The following HMGB1 variants were observed in gnomAD, a reference collection of about 807,000 sequenced individuals.
HMGB1 encodes the protein high mobility group protein B1.
For synonymous variants in HMGB1, 81 were observed against 84.0 expected (o/e 0.96, Z 0.19); for missense variants, 79 against 253.5 (o/e 0.31, Z 4.67).
intron 1 of HMGB1, among the ~76,000 whole-genome samples, chr13:30,474,214 C>G (rs907603112): frequency 6.6e-6 from 1 of 152,132 alleles, no homozygotes; most frequent in Non-Finnish European, 1.5e-5. Context: ...TTTGATAAAG[C>G]TATTTTTTAA....
At chr13:30,591,492 T>TAC (rs1402619367) in intron 1 of HMGB1, among the ~76,000 whole-genome samples, 1 of 151,706 alleles carries the variant, frequency 6.6e-6, no homozygotes, top group Non-Finnish European at 1.5e-5. Context: ...CTAAGCTCTG[T>TAC]AAAGAGCACC....
intron 1 of HMGB1, among the ~76,000 whole-genome samples, chr13:30,591,879 C>A (rs1397047838): frequency 6.6e-6 from 1 of 152,082 alleles, no homozygotes; most frequent in Non-Finnish European, 1.5e-5. Flanking sequence ...CATTTATAAT[C>A]AGATTCAGAG....
At chr13:30,605,199 A>G (rs1950445322) in intron 1 of HMGB1, among the ~76,000 whole-genome samples, 1 of 152,184 alleles carries the variant, frequency 6.6e-6, no homozygotes, top group South Asian at 2.1e-4. Flanking sequence ...TAAACTTGGA[A>G]TGCCTATTTG....
intron 1 of HMGB1, among the ~76,000 whole-genome samples, chr13:30,592,870 T>TAAA (rs1370630067): frequency 1.3e-5 from 2 of 149,510 alleles, no homozygotes; most frequent in African/African-American, 5.0e-5. Context: ...GTGCTTTTTT[T>TAAA]TAAAAAAAAA....
At chr13:30,511,722 G>A (rs1887996347) in intron 1 of HMGB1, among the ~76,000 whole-genome samples, 1 of 152,054 alleles carries the variant, frequency 6.6e-6, no homozygotes, top group African/African-American at 2.4e-5. Context: ...CCCTTGCCCT[G>A]GCTTCTTACC....
intron 1 of HMGB1, among the ~76,000 whole-genome samples, chr13:30,551,385 T>C (rs978898712): frequency 2.0e-5 from 3 of 152,218 alleles, no homozygotes; most frequent in African/African-American, 7.2e-5. Flanking sequence ...TGTTGACTCT[T>C]CTGCCCTCTG....
At chr13:30,463,103 T>C (rs895661271) in intron 3 of HMGB1, 104 bp downstream of exon 3, 2 of 1,152,720 alleles carry the variant, frequency 1.7e-6, no homozygotes, top group Admixed American at 2.3e-5. Flanking sequence ...CTAAGAAACT[T>C]TGATTGTACA....
rs565666405 is a variant in HMGB1, at chr13:30,550,511, G to A, written c.-15+66160C>T. Among the ~76,000 whole-genome samples, 18 of 152,298 alleles carry A rather than the reference G, an allele frequency of 1.2e-4. No homozygotes were observed. The East Asian group carries it at 1.5e-3, about 13-fold the overall frequency. ...TCTAAATCGAGTCCTCGTGTTTGTCGTACTTCCTTAATGTAGGGATTCTCT... is the reference window on the plus strand; with the variant it reads ...TCTAAATCGAGTCCTCGTGTTTGTCATACTTCCTTAATGTAGGGATTCTCT... On this transcript the variant is annotated intron_variant, in intron 1 of 4. Transcript: ENST00000405805.
intron 1 of HMGB1, among the ~76,000 whole-genome samples, chr13:30,577,548 TC>T (rs1870712736): frequency 6.6e-6 from 1 of 152,106 alleles, no homozygotes; most frequent in South Asian, 2.1e-4. Flanking sequence ...TAGCTCATCA[TC>T]CTCTCTTCCC....
chr13:30,512,518 T>C (rs1888014725), intron 1 of HMGB1, among the ~76,000 whole-genome samples: 2 of 152,230 alleles, frequency 1.3e-5, no homozygotes, highest in African/African-American at 4.8e-5. Context: ...ACAGCAATCC[T>C]GGAGCAGCTT....
At chr13:30,528,749 C>T (rs931117168) in intron 1 of HMGB1, among the ~76,000 whole-genome samples, 2 of 152,030 alleles carry the variant, frequency 1.3e-5, no homozygotes, top group African/African-American at 4.8e-5. Context: ...AATTTTGGGG[C>T]CGGGCGCGGT....
chr13:30,525,896 C>T (rs888765165), intron 1 of HMGB1, among the ~76,000 whole-genome samples: 4 of 151,986 alleles, frequency 2.6e-5, no homozygotes, highest in African/African-American at 9.7e-5. Context: ...GGGGTTTCGT[C>T]ATGTTGCCCA....
intron 1 of HMGB1, among the ~76,000 whole-genome samples, chr13:30,514,452 T>C (rs1421289022): frequency 6.6e-6 from 1 of 151,042 alleles, no homozygotes; most frequent in East Asian, 2.0e-4. Context: ...GCCTCCCATG[T>C]AGTTAGGACT....
In HMGB1 at chr13:30,538,675, TCTTTCTTTC is replaced by T. The variant is rs1301340872; in HGVS notation, c.-14-74990_-14-74982del. Among the ~76,000 whole-genome samples the T allele has an allele frequency of 7.2e-4, 24 of 33,434 alleles. 4 individuals carry two copies. In the South Asian group the frequency reaches 0.014, roughly 19 times the overall value. The allele number at this position is 33,434 out of a possible 152,430, so 21.9% of individuals were successfully genotyped here. A position where few individuals can be genotyped will look rare whatever the true frequency, so the allele number is the denominator to read the frequency against. On this transcript the variant is annotated intron_variant, in intron 1 of 4. Transcript: ENST00000405805. ...TCTTTCTTTCTTTCCTTTCTTTCTTTCTTTCTTTCCTTTCTTTCTTTCTTTCTTTTTCTT... is the reference window on the plus strand; with the variant it reads ...TCTTTCTTTCTTTCCTTTCTTTCTTTCTTTCTTTCTTTCTTTCTTTTTCTT...
chr13:30,575,379 T>C (rs1462809942), intron 1 of HMGB1, among the ~76,000 whole-genome samples: 1 of 152,240 alleles, frequency 6.6e-6, no homozygotes, highest in Non-Finnish European at 1.5e-5. Flanking sequence ...AAGGTTCATA[T>C]GACGCTGTTC....
intron 1 of HMGB1, among the ~76,000 whole-genome samples, chr13:30,578,655 A>G (rs1870768385): frequency 6.6e-6 from 1 of 152,084 alleles, no homozygotes; most frequent in East Asian, 1.9e-4. Flanking sequence ...CTAGATTCGG[A>G]ACCTCTCTGG....
At chr13:30,517,761 T>A (rs1316616326) in intron 1 of HMGB1, among the ~76,000 whole-genome samples, 4 of 152,182 alleles carry the variant, frequency 2.6e-5, no homozygotes. Context: ...TGGTTCTGCA[T>A]CTCAAATCCT....
At chr13:30,581,986 A>C (rs530398109) in intron 1 of HMGB1, among the ~76,000 whole-genome samples, 1 of 152,320 alleles carries the variant, frequency 6.6e-6, no homozygotes, top group South Asian at 2.1e-4. Context: ...TCACTGTATC[A>C]TGGTAGAGAA....
chr13:30,538,028 A>G (rs958425431), intron 1 of HMGB1, among the ~76,000 whole-genome samples: 1 of 152,222 alleles, frequency 6.6e-6, no homozygotes, highest in Admixed American at 6.6e-5. Flanking sequence ...CCAGAGCAGG[A>G]AATTCCAATG....
Sources: gnomAD v4.1 joint callset for allele counts (sites outside exome capture counted in the v4.1 genomes callset) on GRCh38, gnomAD v4.1.1 for gene constraint, MANE v1.5 for transcripts, NCBI Gene and HGNC (gene_info 2026-07-23, HGNC 2026-07-21) for gene names.